NELL1: variants seen among roughly 807,000 people sequenced by gnomAD.
NELL1 encodes the protein protein kinase C-binding protein NELL1.
Under a neutral mutation model 107.4 loss-of-function variants are expected in NELL1, and 76 were observed. The ratio of observed to expected loss-of-function variants is 0.71; its 90% CI spans 0.59 to 0.86. The LOEUF (loss-of-function observed/expected upper bound fraction) is 0.86, where lower values mean the gene tolerates loss of function less well. Among genes scored for constraint, NELL1 ranks in the 40% least tolerant of loss-of-function variants. NELL1 has a pLI of 0.00. For missense variants in NELL1, 1,024 were observed against 1,005.5 expected (o/e 1.02, Z -0.25); for synonymous variants, 353 against 341.2 (o/e 1.03, Z -0.38).
chr11:21,428,722 A>T (rs887756863), intron 15 of NELL1, among the ~76,000 whole-genome samples: 1 of 152,188 alleles, frequency 6.6e-6, no homozygotes, highest in African/African-American at 2.4e-5. Context: ...GGTGATTATC[A>T]TCAGAAAAGA....
At chr11:21,361,236 A>G (rs1424837679) in intron 14 of NELL1, among the ~76,000 whole-genome samples, 1 of 145,790 alleles carries the variant, frequency 6.9e-6, no homozygotes, top group Non-Finnish European at 1.5e-5. Flanking sequence ...TAGCTTTGCT[A>G]GATACAAATT....
intron 4 of NELL1, among the ~76,000 whole-genome samples, chr11:20,862,941 C>A (rs1006235078): frequency 1.3e-5 from 2 of 152,146 alleles, no homozygotes; most frequent in African/African-American, 4.8e-5. Context: ...AGATCAACAG[C>A]ATCCCAAGGC....
chr11:20,711,937 G>A (rs1855122885), intron 2 of NELL1, among the ~76,000 whole-genome samples: 1 of 152,064 alleles, frequency 6.6e-6, no homozygotes, highest in Admixed American at 6.6e-5. Context: ...TTAGTAAGAT[G>A]CCTAGATCTA....
intron 14 of NELL1, among the ~76,000 whole-genome samples, chr11:21,330,884 C>T (rs566890075): frequency 6.6e-6 from 1 of 152,164 alleles, no homozygotes; most frequent in South Asian, 2.1e-4. Flanking sequence ...GTCTTCATAT[C>T]TCTGAAACTT....
At chr11:21,560,068 G>T (rs1385714321) in intron 16 of NELL1, 121 bp from the exon 17 acceptor site, 5 of 886,314 alleles carry the variant, frequency 5.6e-6, no homozygotes, top group Non-Finnish European at 9.4e-6. Context: ...TGAACAGCTT[G>T]GCAGTACCTA....
chr11:21,276,448 A>T (rs1848863219), intron 14 of NELL1, among the ~76,000 whole-genome samples: 1 of 152,254 alleles, frequency 6.6e-6, no homozygotes, highest in Non-Finnish European at 1.5e-5. Context: ...GGAAGAATCA[A>T]TATCGTGAAA....
At chr11:20,992,709 ATTT>A (rs56048576) in intron 12 of NELL1, among the ~76,000 whole-genome samples, 2,525 of 114,424 alleles carry the variant, frequency 0.022, 57 homozygotes, top group African/African-American at 0.074. Context: ...CAAAAGTGGC[ATTT>A]TTTTTTTTTT....
intron 12 of NELL1, among the ~76,000 whole-genome samples, chr11:21,001,171 T>C (rs1436934730): frequency 6.6e-6 from 1 of 152,240 alleles, no homozygotes; most frequent in African/African-American, 2.4e-5. Flanking sequence ...ATTATTATTA[T>C]TGTATTTATT....
At chr11:21,393,858 G>A (rs1181042724) in intron 15 of NELL1, among the ~76,000 whole-genome samples, 2 of 151,692 alleles carry the variant, frequency 1.3e-5, no homozygotes, top group Non-Finnish European at 3.0e-5. Context: ...GAGAAGATTG[G>A]CAGGTACTTT....
At chr11:20,976,436 T>C (rs1326742659) in intron 12 of NELL1, among the ~76,000 whole-genome samples, 2 of 152,162 alleles carry the variant, frequency 1.3e-5, no homozygotes, top group Non-Finnish European at 2.9e-5. Flanking sequence ...TGTCACTGAG[T>C]ATTGAATGCC....
At chr11:21,190,534 G>A (rs182841734) in intron 13 of NELL1, among the ~76,000 whole-genome samples, 27 of 151,894 alleles carry the variant, frequency 1.8e-4, no homozygotes, top group Non-Finnish European at 3.2e-4. Context: ...CAAGGAAGCT[G>A]CAGTGTCTAT....
intron 15 of NELL1, among the ~76,000 whole-genome samples, chr11:21,505,956 G>A (rs1419367095): frequency 6.6e-6 from 1 of 152,110 alleles, no homozygotes. Context: ...TCTCCTGGGT[G>A]CATACACCAA....
chr11:20,820,403 A>T (rs2134023890), intron 3 of NELL1, among the ~76,000 whole-genome samples: 1 of 152,310 alleles, frequency 6.6e-6, no homozygotes, highest in East Asian at 1.9e-4. Flanking sequence ...GGAGATTGAG[A>T]TGTACCCTTG....
chr11:20,676,679 T>G (rs1590197606), intron 1 of NELL1, among the ~76,000 whole-genome samples: 1 of 152,254 alleles, frequency 6.6e-6, no homozygotes, highest in Admixed American at 6.5e-5. Flanking sequence ...AAAGAGTAGA[T>G]TTCCTTCTCC....
At chr11:21,482,240 T>C (rs1343420419) in intron 15 of NELL1, among the ~76,000 whole-genome samples, 2 of 152,220 alleles carry the variant, frequency 1.3e-5, no homozygotes, top group Non-Finnish European at 2.9e-5. Context: ...TCTAATGGAC[T>C]GTGGACTCCA....
intron 2 of NELL1, among the ~76,000 whole-genome samples, chr11:20,686,549 A>G (rs947921137): frequency 5.9e-5 from 9 of 151,974 alleles, no homozygotes; most frequent in African/African-American, 2.2e-4. Context: ...TTTATGGACA[A>G]AAAAGGGAAA....
chr11:21,236,401 A>G (rs1858208083), intron 14 of NELL1, among the ~76,000 whole-genome samples: 1 of 151,778 alleles, frequency 6.6e-6, no homozygotes, highest in South Asian at 2.1e-4. Flanking sequence ...TTGGTGTATT[A>G]ATTACTGCAG....
intron 3 of NELL1, among the ~76,000 whole-genome samples, chr11:20,813,594 G>A (rs1025174853): frequency 6.6e-6 from 1 of 152,168 alleles, no homozygotes; most frequent in African/African-American, 2.4e-5. Flanking sequence ...TATATTCAGT[G>A]TCTTGAGTTT....
intron 15 of NELL1, among the ~76,000 whole-genome samples, chr11:21,419,257 C>G (rs1167548065): frequency 2.0e-5 from 3 of 152,050 alleles, no homozygotes; most frequent in Non-Finnish European, 4.4e-5. Flanking sequence ...AAGTGGGGAG[C>G]TATGATGAAA....
Sources: gnomAD v4.1 joint callset for allele counts (sites outside exome capture counted in the v4.1 genomes callset) on GRCh38, gnomAD v4.1.1 for gene constraint, MANE v1.5 for transcripts, NCBI Gene and HGNC (gene_info 2026-07-23, HGNC 2026-07-21) for gene names.